Variants in GALNT18 observed in about 807,000 individuals in gnomAD.
GALNT18 encodes polypeptide N-acetylgalactosaminyltransferase 18.
GALNT18 carries 44 observed loss-of-function variants against 69.5 expected under a neutral mutation model. The ratio of observed to expected loss-of-function variants is 0.63; its 90% confidence interval spans 0.50 to 0.81. The LOEUF is 0.81. Ranked by LOEUF, GALNT18 falls within the 40% of genes least tolerant of loss-of-function variation. The pLI is 0.00. For missense variants in GALNT18, 715 were observed against 810.0 expected (o/e 0.88, Z 1.42); for synonymous variants, 364 against 318.2 (o/e 1.14, Z -1.53).
chr11:11,416,148 G>A (rs1298688684), intron 3 of GALNT18, among the ~76,000 whole-genome samples: 1 of 152,218 alleles, frequency 6.6e-6, no homozygotes, highest in African/African-American at 2.4e-5. Context: ...TTAGCCAGAG[G>A]CCTCGTCCAA....
At chr11:11,405,185 G>A (rs1020838822) in intron 3 of GALNT18, among the ~76,000 whole-genome samples, 4 of 149,946 alleles carry the variant, frequency 2.7e-5, no homozygotes, top group Non-Finnish European at 5.9e-5. Flanking sequence ...GCAATGTGGG[G>A]TGTGGGTGGT....
intron 2 of GALNT18, among the ~76,000 whole-genome samples, chr11:11,443,697 C>G (rs1262035488): frequency 6.6e-6 from 1 of 152,162 alleles, no homozygotes; most frequent in African/African-American, 2.4e-5. Context: ...CTTCCCAGAC[C>G]AGGAAGGAAG....
At chr11:11,594,981 A>ATGTGTG (rs75359341) in intron 1 of GALNT18, among the ~76,000 whole-genome samples, 77 of 147,144 alleles carry the variant, frequency 5.2e-4, no homozygotes, top group Middle Eastern at 3.5e-3. Flanking sequence ...AAATATACAT[A>ATGTGTG]TGTGTGTGTG....
intron 1 of GALNT18, among the ~76,000 whole-genome samples, chr11:11,467,909 T>G (rs1357786183): frequency 6.6e-6 from 1 of 152,218 alleles, no homozygotes; most frequent in Non-Finnish European, 1.5e-5. Context: ...CTGGTAAGTT[T>G]GTTAAGACTA....
rs913399888 is a variant in GALNT18, at chr11:11,372,771, C to A, written c.978-142G>T. On this transcript the variant is annotated intron_variant, in intron 5 of 10. Transcript: ENST00000227756. This position sits in a 1 kb window ranked among gnomAD's most constrained non-coding sequence, Gnocchi z 4.9. ...AGTGTGAGCCTTGTTCTTGGAGTGG[C>A]CCCTGGGTCTGGCCTCACCCAACCA... 2.8e-6 allele frequency: 2 copies of A among 704,304 alleles called. No homozygotes were observed. Among genetic ancestry groups the A allele is most frequent in the Non-Finnish European group, 4.9e-6 (2 of 408,030 alleles). The allele number at this position is 704,304 out of a possible 1,614,324, so 43.6% of individuals were successfully genotyped here. A position where few individuals can be genotyped will look rare whatever the true frequency, so the allele number is the denominator to read the frequency against.
intron 3 of GALNT18, among the ~76,000 whole-genome samples, chr11:11,428,397 C>T (rs1855184053): frequency 6.6e-6 from 1 of 152,232 alleles, no homozygotes; most frequent in South Asian, 2.1e-4. Flanking sequence ...GAACTCTAGC[C>T]AGGGCCAGGC....
chr11:11,323,435 A>G (rs1371802413), intron 9 of GALNT18, among the ~76,000 whole-genome samples: 1 of 152,218 alleles, frequency 6.6e-6, no homozygotes, highest in Non-Finnish European at 1.5e-5. Context: ...AAATCTCAGC[A>G]AGTCAAATTC....
chr11:11,563,727 C>A lies in GALNT18; in HGVS notation c.235+57632G>T, dbSNP rs1409374003. ...CGCCAAGTCTAACACTCTCTCCTCCCAGCCCTGCCTCCCTAGCACCACACT... is the reference window on the plus strand; with the variant it reads ...CGCCAAGTCTAACACTCTCTCCTCCAAGCCCTGCCTCCCTAGCACCACACT... On this transcript the variant is annotated intron_variant, in intron 1 of 10. Transcript: ENST00000227756. The surrounding 1 kb of genome is among the most constrained non-coding windows in gnomAD (Gnocchi z 4.6). Among the ~76,000 whole-genome samples the A allele has an allele frequency of 6.6e-6, 1 of 152,212 alleles. No individual in the cohort carries two copies. Among genetic ancestry groups the A allele is most frequent in the Non-Finnish European group, 1.5e-5 (1 of 68,042 alleles).
intron 9 of GALNT18, among the ~76,000 whole-genome samples, chr11:11,312,682 T>C (rs1191988263): frequency 6.6e-6 from 1 of 152,208 alleles, no homozygotes; most frequent in East Asian, 1.9e-4. Flanking sequence ...AACCCCATTT[T>C]ACAGAAGAAA....
chr11:11,516,310 A>C (rs1200824822), intron 1 of GALNT18, among the ~76,000 whole-genome samples: 2 of 152,258 alleles, frequency 1.3e-5, no homozygotes, highest in Admixed American at 1.3e-4. Context: ...GCCTGGACTT[A>C]AATTCTCGTC....
intron 3 of GALNT18, among the ~76,000 whole-genome samples, chr11:11,401,001 G>A (rs1854451822): frequency 6.6e-6 from 1 of 152,148 alleles, no homozygotes; most frequent in Non-Finnish European, 1.5e-5. Flanking sequence ...GGGTCGGCCG[G>A]GGCAGGAACG....
intron 1 of GALNT18, among the ~76,000 whole-genome samples, chr11:11,569,924 T>C (rs958094278): frequency 6.6e-6 from 1 of 152,110 alleles, no homozygotes; most frequent in Admixed American, 6.5e-5. Flanking sequence ...AGAAGAACTT[T>C]GGTTCGGGGA....
chr11:11,442,551 A>T (rs1043469758), intron 2 of GALNT18, among the ~76,000 whole-genome samples: 2 of 152,056 alleles, frequency 1.3e-5, no homozygotes, highest in Admixed American at 6.5e-5. Context: ...TCAGAGCCCC[A>T]TGAAATGGTC....
At chr11:11,401,832 TACA>T (rs762146230) in intron 3 of GALNT18, among the ~76,000 whole-genome samples, 3 of 152,190 alleles carry the variant, frequency 2.0e-5, no homozygotes, top group Admixed American at 6.5e-5. Context: ...GGAAGGCAGA[TACA>T]ACAATAGATC....
At chr11:11,281,824 G>GC (rs1849081494) in intron 10 of GALNT18, among the ~76,000 whole-genome samples, 1 of 152,086 alleles carries the variant, frequency 6.6e-6, no homozygotes, top group African/African-American at 2.4e-5. Context: ...GTTGGGGGAG[G>GC]CGGGTGGATG....
chr11:11,571,077 G>C (rs1173662537), intron 1 of GALNT18, among the ~76,000 whole-genome samples: 1 of 152,198 alleles, frequency 6.6e-6, no homozygotes, highest in Non-Finnish European at 1.5e-5. Flanking sequence ...TTTGTTGCCT[G>C]CTTCCTTTCT....
intron 10 of GALNT18, among the ~76,000 whole-genome samples, chr11:11,288,383 T>G (rs1454137322): frequency 1.3e-5 from 2 of 152,156 alleles, no homozygotes; most frequent in Non-Finnish European, 2.9e-5. Context: ...CTCTACAACC[T>G]TTATGATATA....
At chr11:11,376,659 G>C (rs749107752) in intron 5 of GALNT18, among the ~76,000 whole-genome samples, 1 of 152,086 alleles carries the variant, frequency 6.6e-6, no homozygotes, top group Non-Finnish European at 1.5e-5. Flanking sequence ...GGGGGCTGCT[G>C]GCTCACTTCC....
At chr11:11,285,529 G>A (rs903646829) in intron 10 of GALNT18, among the ~76,000 whole-genome samples, 89 of 152,276 alleles carry the variant, frequency 5.8e-4, no homozygotes, top group African/African-American at 2.1e-3. Flanking sequence ...GGGAGAGGAG[G>A]GAAGTGCTGA....
Sources: allele counts gnomAD v4.1 joint callset (sites outside exome capture counted in the v4.1 genomes callset), GRCh38; gene constraint gnomAD v4.1.1; non-coding constraint Gnocchi (gnomAD v3.1); transcripts MANE v1.5; gene names NCBI Gene and HGNC (gene_info 2026-07-23, HGNC 2026-07-21).